The following MYO5C variants were observed in gnomAD, a reference collection of about 807,000 sequenced individuals.
MYO5C encodes the protein unconventional myosin-Vc.
Under a neutral mutation model 235.7 loss-of-function variants are expected in MYO5C, and 194 were observed. The observed-to-expected ratio is 0.82, with a 90% CI of 0.73 to 0.93. MYO5C has a LOEUF of 0.93. Ranked by LOEUF, MYO5C falls within the 40% of genes least tolerant of loss-of-function variation. MYO5C has a pLI of 0.00. For missense variants in MYO5C, 2,038 were observed against 2,127.2 expected (o/e 0.96, Z 0.82); for synonymous variants, 707 against 754.8 (o/e 0.94, Z 1.04).
intron 37 of MYO5C, chr15:52,205,351 G>A (rs906015856): frequency 1.7e-6 from 1 of 595,096 alleles, no homozygotes; most frequent in Non-Finnish European, 2.9e-6. Context: ...TTCCAGCGGG[G>A]CTGCAGCTCC....
intron 35 of MYO5C, 133 bp downstream of exon 35, chr15:52,211,597 T>C: frequency 2.1e-6 from 2 of 949,096 alleles, no homozygotes; most frequent in Admixed American, 4.4e-5. Context: ...CTCCCTTCAC[T>C]AGTTGGGCCT....
intron 1 of MYO5C, among the ~76,000 whole-genome samples, chr15:52,291,479 C>T (rs1287954329): frequency 6.6e-6 from 1 of 152,092 alleles, no homozygotes; most frequent in Non-Finnish European, 1.5e-5. Flanking sequence ...ATGCCTGGTG[C>T]CTTTCTTATG....
chr15:52,198,548 C>T (rs1472846688), intron 38 of MYO5C, among the ~76,000 whole-genome samples: 1 of 151,962 alleles, frequency 6.6e-6, no homozygotes, highest in African/African-American at 2.4e-5. Flanking sequence ...ATTACTTTTG[C>T]TTAGTTTTTG....
At chr15:52,246,881 C>T (rs1566977983) in intron 16 of MYO5C, 36 bp downstream of exon 16, 1 of 1,547,700 alleles carries the variant, frequency 6.5e-7, no homozygotes, top group South Asian at 1.2e-5. Context: ...AACTGCCTTC[C>T]CACGTCTTCG....
At chr15:52,256,592 C>CAT (rs2036589592) in intron 11 of MYO5C, 47 bp downstream of exon 11, 1 of 1,446,258 alleles carries the variant, frequency 6.9e-7, no homozygotes, top group South Asian at 1.2e-5. Flanking sequence ...CACACACGCG[C>CAT]GCGCGCGCGG....
chr15:52,226,937 C>T (rs1182810246), intron 25 of MYO5C, among the ~76,000 whole-genome samples: 1 of 152,024 alleles, frequency 6.6e-6, no homozygotes, highest in East Asian at 1.9e-4. Flanking sequence ...CACCTGAGGT[C>T]AGGACTTCAG....
rs1395744625 is a variant in MYO5C at position 52,192,401 on chromosome 15, T to A, written c.*1501A>T. On this transcript the variant is annotated 3_prime_UTR_variant, in exon 41 of 41. Transcript: ENST00000261839. ...TCATGTACAATGTATTGAAATGAAC[T>A]AAACTCAATCACTTATAATATAAAA... 1.4e-4 allele frequency: 21 copies of A among 152,210 alleles called. No individual in the cohort carries two copies. Among genetic ancestry groups the A allele is most frequent in the Admixed American group, 1.4e-3 (21 of 15,288 alleles). The allele number at this position is 152,210 out of a possible 1,614,324, so 9.4% of individuals were successfully genotyped here.
chr15:52,211,264 A>G (rs1175402860), intron 35 of MYO5C, among the ~76,000 whole-genome samples: 3 of 152,234 alleles, frequency 2.0e-5, no homozygotes, highest in Admixed American at 6.5e-5. Context: ...CATAGCTACA[A>G]TAGCTTAACT....
chr15:52,198,706 C>T lies in MYO5C; in HGVS notation c.4821-2223G>A, dbSNP rs145802880. On this transcript the variant is annotated intron_variant, in intron 38 of 40. Coordinates refer to ENST00000261839, the MANE Select transcript of MYO5C (RefSeq NM_018728.4). ...AAGAGATTCTCCTGCTTCAGCCTCC[C>T]GAGTAGGTGGGACTACAGGCGCCTG... Among the ~76,000 whole-genome samples the T allele has an allele frequency of 4.9e-3, 738 of 151,908 alleles. 18 individuals carry two copies. The highest frequency in any genetic ancestry group is 0.026 in the Admixed American group (392 of 15,238).
At chr15:52,293,615 T>C (rs1363021134) in intron 1 of MYO5C, among the ~76,000 whole-genome samples, 1 of 152,118 alleles carries the variant, frequency 6.6e-6, no homozygotes, top group African/African-American at 2.4e-5. Flanking sequence ...TCAAATGTCA[T>C]CCTTGGCTGG....
At chr15:52,285,886 G>A (rs981125687) in intron 1 of MYO5C, among the ~76,000 whole-genome samples, 3 of 152,150 alleles carry the variant, frequency 2.0e-5, no homozygotes, top group Admixed American at 6.5e-5. Context: ...CTGCCCGGCC[G>A]CCACCCCATC....
intron 8 of MYO5C, 60 bp downstream of exon 8, chr15:52,269,693 A>C: frequency 2.7e-6 from 3 of 1,092,328 alleles, no homozygotes; most frequent in Admixed American, 2.0e-5. Flanking sequence ...GCCTGGCCTT[A>C]ATTTTTTTTT....
At position 52,246,019 on chromosome 15, in the gene MYO5C, T is replaced by C. The variant is rs539335624; in HGVS notation, c.2003A>G (p.Gln668Arg). 2 of 1,614,156 alleles carry C rather than the reference T, an allele frequency of 1.2e-6. No homozygotes were observed. Among genetic ancestry groups the C allele is most frequent in the African/African-American group, 1.3e-5 (1 of 75,066 alleles). ...TAAAACGCCGCAGGCTCGCAGCTGC[T>C]GAACAATTCTTTTGGAGTCAAATCT... ...PFEFDSKRIV[Q>R]QLRACGVLET... Residue 668 changes from glutamine to arginine, a missense_variant, in exon 17 of 41, where the codon CAG becomes CGG. By Grantham distance (43) the Gln-to-Arg change is conservative. Transcript: ENST00000261839.
chr15:52,271,934 T>G, intron 6 of MYO5C, 90 bp from the exon 7 acceptor site: 1 of 673,888 alleles, frequency 1.5e-6, no homozygotes, highest in Non-Finnish European at 2.5e-6. Context: ...AGATATCTAA[T>G]CCGCATGGAT....
chr15:52,243,136 T>C (rs991109699), intron 19 of MYO5C: 3 of 152,184 alleles, frequency 2.0e-5, no homozygotes, highest in Non-Finnish European at 2.9e-5. Context: ...ACCCAGGCTA[T>C]GGAGGGCTTT....
At chr15:52,273,163 T>TAA (rs555107710) in intron 5 of MYO5C, among the ~76,000 whole-genome samples, 1 of 149,832 alleles carries the variant, frequency 6.7e-6, no homozygotes, top group Non-Finnish European at 1.5e-5. Flanking sequence ...CTACAAAACA[T>TAA]AAAAAAAAAA....
chr15:52,208,708 G>T (rs943329082), intron 35 of MYO5C, 65 bp from the exon 36 acceptor site: 11 of 1,425,372 alleles, frequency 7.7e-6, no homozygotes, highest in Non-Finnish European at 1.1e-5. Flanking sequence ...GCATTTACCT[G>T]TTTGGTTATT....
chr15:52,276,842 G>A (rs1468850388), intron 4 of MYO5C, among the ~76,000 whole-genome samples: 2 of 152,150 alleles, frequency 1.3e-5, no homozygotes, highest in Non-Finnish European at 2.9e-5. Context: ...ATAAGACTGT[G>A]ATGGTGGAAG....
intron 32 of MYO5C, among the ~76,000 whole-genome samples, chr15:52,216,704 T>C (rs79473365): frequency 0.026 from 4,022 of 152,268 alleles, 77 homozygotes; most frequent in Middle Eastern, 0.054. Context: ...CAGTGTCACC[T>C]TGAAATTCAT....
Sources: gnomAD v4.1 joint callset for allele counts (sites outside exome capture counted in the v4.1 genomes callset) on GRCh38, gnomAD v4.1.1 for gene constraint, MANE v1.5 for transcripts, NCBI Gene and HGNC (gene_info 2026-07-23, HGNC 2026-07-21) for gene names.